The following MAGI1 variants were observed in gnomAD, a reference collection of about 807,000 sequenced individuals.
The protein encoded by MAGI1 is membrane-associated guanylate kinase, WW and PDZ domain-containing protein 1.
Under a neutral mutation model 139.9 loss-of-function variants are expected in MAGI1, and 58 were observed. That is an observed-to-expected ratio of 0.41 (90% CI 0.34 to 0.52). The LOEUF (loss-of-function observed/expected upper bound fraction) is 0.52. Ranked by LOEUF, MAGI1 falls within the 20% of genes least tolerant of loss-of-function variation. The probability of loss-of-function intolerance (pLI) is 0.12; values close to 1 mark genes in which losing one functional copy is unlikely to be tolerated. For missense variants in MAGI1, 1,874 were observed against 1,901.6 expected (o/e 0.99, Z 0.27); for synonymous variants, 812 against 737.9 (o/e 1.10, Z -1.63).
At chr3:66,025,430 G>C (rs1352317456) in intron 1 of MAGI1, among the ~76,000 whole-genome samples, 1 of 152,094 alleles carries the variant, frequency 6.6e-6, no homozygotes, top group Non-Finnish European at 1.5e-5. Flanking sequence ...GTCCCAGCTA[G>C]TCAGTAGGCT....
At chr3:65,360,673 A>T (rs1940751428) in intron 22 of MAGI1, 1 of 986,938 alleles carries the variant, frequency 1.0e-6, no homozygotes, top group African/African-American at 1.7e-5. Context: ...GATTTGGGGT[A>T]AGACACCAGT....
intron 1 of MAGI1, among the ~76,000 whole-genome samples, chr3:65,654,691 C>T (rs2085772953): frequency 6.6e-6 from 1 of 151,782 alleles, no homozygotes; most frequent in Non-Finnish European, 1.5e-5. Context: ...TGATTAGATA[C>T]CCATGTGCTA....
intron 2 of MAGI1, among the ~76,000 whole-genome samples, chr3:65,511,403 G>T (rs1289280301): frequency 3.5e-5 from 5 of 141,394 alleles, no homozygotes; most frequent in South Asian, 2.5e-4. Flanking sequence ...CTATATTCAG[G>T]AAACCCATCT....
intron 1 of MAGI1, among the ~76,000 whole-genome samples, chr3:65,834,491 G>A (rs546786305): frequency 8.6e-4 from 131 of 152,302 alleles, no homozygotes; most frequent in African/African-American, 3.2e-3. Flanking sequence ...TTGTGTTACT[G>A]CTCACGATAT....
At chr3:65,933,431 A>T (rs1391352041) in intron 1 of MAGI1, among the ~76,000 whole-genome samples, 1 of 152,158 alleles carries the variant, frequency 6.6e-6, no homozygotes, top group African/African-American at 2.4e-5. Context: ...GACCTTTCTC[A>T]TTGGTTGCTT....
intron 1 of MAGI1, among the ~76,000 whole-genome samples, chr3:65,710,854 C>T (rs907554661): frequency 1.3e-5 from 2 of 152,178 alleles, no homozygotes; most frequent in African/African-American, 4.8e-5. Flanking sequence ...ATATGCTTTC[C>T]CAATGCCCAT....
intron 2 of MAGI1, among the ~76,000 whole-genome samples, chr3:65,612,330 T>C (rs1367541999): frequency 6.6e-6 from 1 of 152,076 alleles, no homozygotes; most frequent in Admixed American, 6.6e-5. Context: ...ACCTACCAGC[T>C]TGTCATTTGT....
intron 1 of MAGI1, among the ~76,000 whole-genome samples, chr3:65,794,633 C>A (rs1186169774): frequency 9.2e-5 from 14 of 151,992 alleles, no homozygotes; most frequent in African/African-American, 2.7e-4. Flanking sequence ...CTGTGTAGAG[C>A]CTAGGGGACC....
chr3:65,375,694 C>CAGAG (rs202007900), intron 18 of MAGI1, 51 bp downstream of exon 18: 6 of 1,390,494 alleles, frequency 4.3e-6, no homozygotes, highest in Non-Finnish European at 6.1e-6. Context: ...AAGACAGAGA[C>CAGAG]AGAGAGAGAG....
chr3:65,702,458 AG>A (rs1278470264), intron 1 of MAGI1, among the ~76,000 whole-genome samples: 1 of 150,630 alleles, frequency 6.6e-6, no homozygotes, highest in Non-Finnish European at 1.5e-5. Flanking sequence ...CACGACAGTA[AG>A]GTGTCAATTT....
chr3:65,579,878 T>C (rs2081340271), intron 2 of MAGI1, among the ~76,000 whole-genome samples: 1 of 151,706 alleles, frequency 6.6e-6, no homozygotes, highest in Non-Finnish European at 1.5e-5. Context: ...TCAGTATCAT[T>C]GGGACATTAA....
intron 1 of MAGI1, among the ~76,000 whole-genome samples, chr3:65,978,964 G>A (rs183065584): frequency 1.3e-5 from 2 of 151,800 alleles, no homozygotes; most frequent in African/African-American, 2.4e-5. Context: ...CAATAATTTC[G>A]AGGACTCAGA....
At chr3:65,680,731 C>T (rs1370204654) in intron 1 of MAGI1, among the ~76,000 whole-genome samples, 1 of 150,672 alleles carries the variant, frequency 6.6e-6, no homozygotes, top group African/African-American at 2.5e-5. Context: ...TGAGCCACCA[C>T]ACCCAGCCAG....
intron 5 of MAGI1, among the ~76,000 whole-genome samples, chr3:65,458,195 A>T (rs954841689): frequency 1.3e-5 from 2 of 152,092 alleles, no homozygotes; most frequent in African/African-American, 4.8e-5. Context: ...TTATCCATTT[A>T]TCTGTTGATG....
chr3:65,701,869 T>C (rs1363807702), intron 1 of MAGI1, among the ~76,000 whole-genome samples: 1 of 152,226 alleles, frequency 6.6e-6, no homozygotes, highest in Admixed American at 6.5e-5. Context: ...ATGGCTGCAC[T>C]GGTAGCCGTG....
chr3:65,594,860 C>A (rs925332103), intron 2 of MAGI1, among the ~76,000 whole-genome samples: 1 of 152,162 alleles, frequency 6.6e-6, no homozygotes, highest in African/African-American at 2.4e-5. Context: ...GCTTTAGAAA[C>A]CCTTTTACCT....
At chr3:65,365,037 C>A (rs765254875) in intron 18 of MAGI1, 91 bp from the exon 19 acceptor site, 2 of 960,654 alleles carry the variant, frequency 2.1e-6, no homozygotes, top group Middle Eastern at 2.1e-4. Context: ...ATCTGAATAA[C>A]AAGTGTGACT....
At chr3:65,769,389 T>TGA (rs1271607822) in intron 1 of MAGI1, among the ~76,000 whole-genome samples, 1 of 152,198 alleles carries the variant, frequency 6.6e-6, no homozygotes, top group Non-Finnish European at 1.5e-5. Context: ...TTCAGGAGGC[T>TGA]GAGGCAGGAA....
intron 1 of MAGI1, among the ~76,000 whole-genome samples, chr3:65,819,451 A>G (rs531862824): frequency 4.6e-5 from 7 of 152,288 alleles, no homozygotes; most frequent in African/African-American, 1.7e-4. Flanking sequence ...CTAGTGACCA[A>G]TGTATACAAG....
Sources: allele counts gnomAD v4.1 joint callset (sites outside exome capture counted in the v4.1 genomes callset), GRCh38; gene constraint gnomAD v4.1.1; transcripts MANE v1.5; gene names NCBI Gene and HGNC (gene_info 2026-07-23, HGNC 2026-07-21).